The following RLN2 variants were observed in gnomAD, a reference collection of about 807,000 sequenced individuals.
RLN2 encodes the protein prorelaxin H2.
RLN2 carries 10 observed loss-of-function variants against 7.3 expected under a neutral mutation model. The observed-to-expected ratio is 1.36, with a 90% CI of 0.84 to 2.31. The LOEUF is 2.31. Among genes scored for constraint, RLN2 ranks in the 30% most tolerant of loss-of-function variants. RLN2 has a pLI of 0.00. For synonymous variants in RLN2, 103 were observed against 82.3 expected (o/e 1.25, Z -1.36); for missense variants, 298 against 217.6 (o/e 1.37, Z -2.32).
chr9:5,328,381 G>T, the RLN2 span, among the ~76,000 whole-genome samples: 1 of 151,958 alleles, frequency 6.6e-6, no homozygotes, highest in Non-Finnish European at 1.5e-5. Context: ...GAAAAGAAAT[G>T]AACAAAGCCT....
At chr9:5,337,552 C>T in the RLN2 span, among the ~76,000 whole-genome samples, 2 of 151,914 alleles carry the variant, frequency 1.3e-5, no homozygotes, top group African/African-American at 2.4e-5. Context: ...CTTTGGCACA[C>T]ATTGTAAGAT....
the RLN2 span, among the ~76,000 whole-genome samples, chr9:5,333,261 G>T: frequency 6.6e-6 from 1 of 151,870 alleles, no homozygotes; most frequent in Non-Finnish European, 1.5e-5. Context: ...CTGTTCATAG[G>T]TTCCGCCTCA....
chr9:5,309,773 A>G, the RLN2 span, among the ~76,000 whole-genome samples: 1 of 151,934 alleles, frequency 6.6e-6, no homozygotes, highest in Non-Finnish European at 1.5e-5. Context: ...GCAAGCACAC[A>G]GTGGCTGCTC....
chr9:5,337,671 C>T, the RLN2 span, among the ~76,000 whole-genome samples: 1 of 151,926 alleles, frequency 6.6e-6, no homozygotes, highest in Middle Eastern at 3.2e-3. Context: ...ACTTCCAAAG[C>T]GATTCCTACC....
chr9:5,332,710 G>A, the RLN2 span, among the ~76,000 whole-genome samples: 1 of 151,598 alleles, frequency 6.6e-6, no homozygotes, highest in African/African-American at 2.4e-5. Context: ...GCAACTCCCG[G>A]GTTCAAGCGA....
chr9:5,326,651 T>G, the RLN2 span, among the ~76,000 whole-genome samples: 1 of 152,022 alleles, frequency 6.6e-6, no homozygotes, highest in East Asian at 1.9e-4. Context: ...CTCCACCTGA[T>G]TTATGTCAAA....
intron 1 of RLN2, among the ~76,000 whole-genome samples, chr9:5,301,498 T>A (rs1402601422): frequency 2.0e-5 from 3 of 152,232 alleles, no homozygotes; most frequent in Non-Finnish European, 4.4e-5. Context: ...ACTTAATAGT[T>A]TTATTTCACA....
chr9:5,318,199 T>G, the RLN2 span, among the ~76,000 whole-genome samples: 1 of 152,160 alleles, frequency 6.6e-6, no homozygotes, highest in East Asian at 1.9e-4. Context: ...AAAAATTATT[T>G]GCAACATTAT....
At chr9:5,306,942 G>C (rs1467322716), upstream of RLN2, among the ~76,000 whole-genome samples, 2 of 152,046 alleles carry the variant, frequency 1.3e-5, no homozygotes, top group African/African-American at 4.8e-5. Flanking sequence ...AAGTGTGGAG[G>C]TTTCTGGGAA....
At chr9:5,331,448 A>T in the RLN2 span, among the ~76,000 whole-genome samples, 2 of 152,036 alleles carry the variant, frequency 1.3e-5, no homozygotes, top group Admixed American at 6.6e-5. Flanking sequence ...CTGGATTAAG[A>T]AAACGTGGCA....
chr9:5,324,573 G>A, the RLN2 span, among the ~76,000 whole-genome samples: 23 of 151,746 alleles, frequency 1.5e-4, no homozygotes, highest in Admixed American at 6.6e-5. Context: ...ACCTAACCAG[G>A]AATTTAACAT....
chr9:5,306,131 AGAATTTG>A (rs1816248115), upstream of RLN2, among the ~76,000 whole-genome samples: 1 of 138,672 alleles, frequency 7.2e-6, no homozygotes, highest in African/African-American at 2.9e-5. Context: ...TTTTTTTAAC[AGAATTTG>A]GCTCTTGTCG....
Position 5,304,618 on chromosome 9 carries a change from G to C in RLN2, c.-38C>G. On this transcript the variant is annotated 5_prime_UTR_variant, in exon 1 of 2. Coordinates refer to ENST00000381627, the MANE Select transcript of RLN2 (RefSeq NM_134441.3). ...CTCTCCTGGAGGTCGGGACGTTGCA[G>C]CCTTTCAGGACTGCAGCTGCTGTGG... 6.2e-7 allele frequency: 1 copy of C among 1,602,852 alleles called. No individual in the cohort carries two copies. The highest frequency in any genetic ancestry group is 8.5e-7 in the Non-Finnish European group (1 of 1,170,230).
At chr9:5,317,429 G>A in the RLN2 span, among the ~76,000 whole-genome samples, 3 of 148,960 alleles carry the variant, frequency 2.0e-5, no homozygotes, top group Admixed American at 6.7e-5. Context: ...TCCAGCCTGG[G>A]CAACAGAGTG....
chr9:5,311,719 T>A, the RLN2 span: 2 of 1,158,986 alleles, frequency 1.7e-6, no homozygotes, highest in Non-Finnish European at 2.6e-6. Flanking sequence ...CCAAGTGAAG[T>A]GTGTGCATTT....
chr9:5,322,931 G>A, the RLN2 span, among the ~76,000 whole-genome samples: 1 of 151,738 alleles, frequency 6.6e-6, no homozygotes, highest in South Asian at 2.1e-4. Context: ...CTGAGAACCA[G>A]TCAATGCAGA....
chr9:5,326,080 C>T, the RLN2 span, among the ~76,000 whole-genome samples: 80 of 152,160 alleles, frequency 5.3e-4, no homozygotes, highest in Middle Eastern at 0.017. Context: ...AGTTTAGGAG[C>T]ATCACATTCA....
At chr9:5,301,641 G>A (rs1401265420) in intron 1 of RLN2, among the ~76,000 whole-genome samples, 3 of 152,188 alleles carry the variant, frequency 2.0e-5, no homozygotes, top group Non-Finnish European at 4.4e-5. Context: ...AAAGAGAAGA[G>A]GGGAGTAAAT....
chr9:5,336,666 A>T, the RLN2 span, among the ~76,000 whole-genome samples: 1 of 152,132 alleles, frequency 6.6e-6, no homozygotes. Flanking sequence ...TATTTCACAA[A>T]GAAATAAACA....
Sources: allele counts gnomAD v4.1 joint callset (sites outside exome capture counted in the v4.1 genomes callset), GRCh38; gene constraint gnomAD v4.1.1; transcripts MANE v1.5; gene names NCBI Gene and HGNC (gene_info 2026-07-23, HGNC 2026-07-21).